RNF157: variants seen among roughly 807,000 people sequenced by gnomAD.
RNF157 encodes the protein ring finger protein 157.
RNF157 carries 55 observed loss-of-function variants against 88.3 expected under a neutral mutation model. The ratio of observed to expected loss-of-function variants is 0.62; its 90% CI spans 0.50 to 0.78. The LOEUF is 0.78. Among genes scored for constraint, RNF157 ranks in the 30% least tolerant of loss-of-function variants. The pLI is 0.00. For missense variants in RNF157, 788 were observed against 860.8 expected, an observed-to-expected ratio of 0.92 and a Z score of 1.06; for synonymous variants, 334 against 341.2, an observed-to-expected ratio of 0.98 and a Z score of 0.23.
chr17:76,232,844 C>T (rs73364513), intron 1 of RNF157, among the ~76,000 whole-genome samples: 10 of 152,166 alleles, frequency 6.6e-5, no homozygotes, highest in African/African-American at 1.9e-4. Context: ...TCCCTAATGG[C>T]TGCTGATGTT....
chr17:76,167,086 G>A lies in RNF157; in HGVS notation c.484C>T (p.Gln162Ter). 6.2e-7 allele frequency: 1 copy of A among 1,613,132 alleles called. No homozygotes were observed. ...TGCTGACACACTCCTCGCTTGTACT[G>A]CACAGTCTCCGACTGGAGGCTGTTG... Reference protein sequence around the residue: ...KDNSLQSETVQYKRGVCQQFC... With the variant: ...KDNSLQSETV Residue 162 changes from glutamine (Q) to a stop codon, truncating the protein, a stop_gained, in exon 5 of 19, where the codon CAG becomes TAG. Coordinates refer to ENST00000269391, the MANE Select transcript of RNF157 (RefSeq NM_052916.3). LOFTEE classifies it high-confidence loss of function.
At chr17:76,223,147 C>T (rs992996270) in intron 1 of RNF157, among the ~76,000 whole-genome samples, 29 of 151,204 alleles carry the variant, frequency 1.9e-4, no homozygotes, top group Admixed American at 1.2e-3. Context: ...ACCTGGGCCT[C>T]CCAAAGTGCT....
At position 76,146,926 on chromosome 17, in the gene RNF157, G is replaced by C; in HGVS notation, c.1922-1573C>G. 1.0e-6 allele frequency: 1 copy of C among 985,452 alleles called. No homozygotes were observed. Among genetic ancestry groups the C allele is most frequent in the Non-Finnish European group, 1.2e-6 (1 of 829,930 alleles). The allele number at this position is 985,452 out of a possible 1,614,324, so 61.0% of individuals were successfully genotyped here. A position where few individuals can be genotyped will look rare whatever the true frequency, so the allele number is the denominator to read the frequency against. On this transcript the variant is annotated intron_variant, in intron 18 of 18. Coordinates refer to ENST00000269391, the MANE Select transcript of RNF157 (RefSeq NM_052916.3). This position sits in a 1 kb window ranked among gnomAD's most constrained non-coding sequence, Gnocchi z 4.2. Reference sequence around the variant, plus strand: ...ATGAAACCCTTTAATGGCATGTAGAGTCAACAGGTATAAATGGCTTATTTC... The same window carrying C: ...ATGAAACCCTTTAATGGCATGTAGACTCAACAGGTATAAATGGCTTATTTC...
chr17:76,175,177 C>T (rs1330012759), intron 2 of RNF157, among the ~76,000 whole-genome samples: 1 of 152,122 alleles, frequency 6.6e-6, no homozygotes, highest in African/African-American at 2.4e-5. Flanking sequence ...ATGTGGTAAA[C>T]ATTTTTAAAG....
intron 17 of RNF157, chr17:76,153,862 A>G (rs2144808503): frequency 5.8e-6 from 1 of 172,872 alleles, no homozygotes; most frequent in East Asian, 1.7e-4. Context: ...AGACCTGACC[A>G]GCTGCCAAAT....
chr17:76,152,362 G>T lies in RNF157; in HGVS notation c.1914C>A (p.Cys638Ter). 2 of 1,603,708 alleles carry T rather than the reference G, an allele frequency of 1.2e-6. No homozygotes were observed. The highest frequency in any genetic ancestry group is 1.7e-6 in the Non-Finnish European group (2 of 1,170,520). Reference sequence around the variant, plus strand: ...CAGCAGACTGACACTCACCAGGTAAGCAGACCTCAGAGCACAGCTTATTGT... The same window carrying T: ...CAGCAGACTGACACTCACCAGGTAATCAGACCTCAGAGCACAGCTTATTGT... ...ALDNKLCSEVCLPGAWQADDN... is the reference protein window; with the variant it reads ...ALDNKLCSEV The change falls in exon 18 of 19, where the codon TGC (cysteine) becomes TGA (stop). Residue 638 changes from cysteine to a stop codon, truncating the protein, a stop_gained. Coordinates refer to ENST00000269391, the MANE Select transcript of RNF157 (RefSeq NM_052916.3). LOFTEE classifies it high-confidence loss of function.
intron 3 of RNF157, among the ~76,000 whole-genome samples, chr17:76,168,564 AGGTCCC>A (rs2068964739): frequency 6.6e-6 from 1 of 151,960 alleles, no homozygotes; most frequent in African/African-American, 2.4e-5. Context: ...CTTATTGAGG[AGGTCCC>A]TTGGACTTGC....
At position 76,159,476 on chromosome 17, in the gene RNF157, A is replaced by G. The variant is rs769959643; in HGVS notation, c.1163T>C (p.Val388Ala). Residue 388 changes from valine to alanine, a missense_variant, in exon 12 of 19, where the codon GTG (valine) becomes GCG (alanine). Transcript: ENST00000269391. ...TPSPAVPPLH[V>A]LGDGHLSGML... ...TCCTGAGAGGTGGCCATCTCCAAGCACGTGAAGTGGAGGAACTGCTGGGGA... is the reference window on the plus strand; with the variant it reads ...TCCTGAGAGGTGGCCATCTCCAAGCGCGTGAAGTGGAGGAACTGCTGGGGA... The G allele has an allele frequency of 3.1e-6, 5 of 1,609,880 alleles. No individual in the cohort carries two copies. The highest frequency in any genetic ancestry group is 2.2e-5 in the East Asian group (1 of 44,682).
rs2069114429 is a variant in RNF157 at position 76,176,991 on chromosome 17, G to A, written c.208-3201C>T. ...GCCCCCAGGTCTGCCCCACATTGGG[G>A]TGACCACTGAGCCTGACACTCCTGG... On this transcript the variant is annotated intron_variant, in intron 2 of 18. Transcript: ENST00000269391. The surrounding 1 kb of genome is among the most constrained non-coding windows in gnomAD (Gnocchi z 4.2). Among the ~76,000 whole-genome samples the A allele has an allele frequency of 6.6e-6, 1 of 152,132 alleles. No homozygotes were observed. The highest frequency in any genetic ancestry group is 6.5e-5 in the Admixed American group (1 of 15,290).
At chr17:76,171,778 C>G (rs1255100759) in intron 3 of RNF157, among the ~76,000 whole-genome samples, 1 of 152,222 alleles carries the variant, frequency 6.6e-6, no homozygotes, top group Non-Finnish European at 1.5e-5. Flanking sequence ...AAGCAAGCAT[C>G]TGTGGACCTG....
intron 2 of RNF157, among the ~76,000 whole-genome samples, chr17:76,183,299 G>C (rs2069228848): frequency 1.3e-5 from 2 of 152,102 alleles, no homozygotes; most frequent in South Asian, 4.1e-4. Flanking sequence ...TTCTGATTCA[G>C]CTAGTTTGGG....
chr17:76,226,634 G>T (rs1340376716), intron 1 of RNF157: 2 of 1,612,972 alleles, frequency 1.2e-6, no homozygotes, highest in East Asian at 4.5e-5. Flanking sequence ...CCATTCGGAG[G>T]AGCCCGCCTT....
At chr17:76,228,939 A>G (rs968824071) in intron 1 of RNF157, among the ~76,000 whole-genome samples, 51 of 151,024 alleles carry the variant, frequency 3.4e-4, no homozygotes, top group African/African-American at 1.2e-3. Context: ...AATAATAATA[A>G]TACAAAAAAA....
At chr17:76,164,004 C>A (rs528559068) in intron 8 of RNF157, 1 of 152,378 alleles carries the variant, frequency 6.6e-6, no homozygotes, top group South Asian at 2.1e-4. Flanking sequence ...TGTAGAATTT[C>A]AGGTATCTAT....
rs1303241768 is a variant in RNF157 at position 76,161,678 on chromosome 17, T to C, written c.953-31A>G. 6.3e-7 allele frequency: 1 copy of C among 1,589,158 alleles called. No homozygotes were observed. The highest frequency in any genetic ancestry group is 8.6e-7 in the Non-Finnish European group (1 of 1,159,300). ...AAGGAGAAAACAGGCAATCAGGACA[T>C]CCTGATACAGGATTAAGAATGAACA... On this transcript the variant is annotated intron_variant, in intron 10 of 18. Transcript: ENST00000269391. This position sits in a 1 kb window ranked among gnomAD's most constrained non-coding sequence, Gnocchi z 4.6.
chr17:76,149,982 G>A (rs543332839), intron 18 of RNF157, among the ~76,000 whole-genome samples: 11 of 152,154 alleles, frequency 7.2e-5, no homozygotes, highest in East Asian at 1.9e-4. Context: ...GCAGTGAGCC[G>A]AGATCGCGCC....
rs1301548885 is a variant in RNF157, at chr17:76,234,397, G to A, written c.88+5756C>T. Among the ~76,000 whole-genome samples the A allele has an allele frequency of 2.0e-5, 3 of 152,072 alleles. 1 individual carries two copies. The highest frequency in any genetic ancestry group is 1.3e-4 in the Admixed American group (2 of 15,264). On this transcript the variant is annotated intron_variant, in intron 1 of 18. Coordinates refer to ENST00000269391, the MANE Select transcript of RNF157 (RefSeq NM_052916.3). ...ATTTTTCTTGAGCGTATACCTAGGA[G>A]TAGAACTGCTGAGTCATCTAGTAAC...
chr17:76,189,769 G>A (rs1032557527), intron 2 of RNF157, among the ~76,000 whole-genome samples: 1 of 152,188 alleles, frequency 6.6e-6, no homozygotes, highest in Non-Finnish European at 1.5e-5. Flanking sequence ...CCGAAGCTGG[G>A]ACTCAGACTT....
At chr17:76,224,575 T>C (rs2070044607) in intron 1 of RNF157, among the ~76,000 whole-genome samples, 1 of 152,132 alleles carries the variant, frequency 6.6e-6, no homozygotes, top group Non-Finnish European at 1.5e-5. Flanking sequence ...AATGCTACAG[T>C]GCTGCTTTTG....
Sources: allele counts gnomAD v4.1 joint callset (sites outside exome capture counted in the v4.1 genomes callset), GRCh38; gene constraint gnomAD v4.1.1; non-coding constraint Gnocchi (gnomAD v3.1); transcripts MANE v1.5; gene names NCBI Gene and HGNC (gene_info 2026-07-23, HGNC 2026-07-21).